Variants in SLC12A9 observed in about 807,000 individuals in gnomAD.
SLC12A9 encodes the protein solute carrier family 12 member 9, also known as CCC-interacting protein 1.
Under a neutral mutation model 66.0 loss-of-function variants are expected in SLC12A9, and 55 were observed. The observed-to-expected ratio is 0.83, with a 90% CI of 0.67 to 1.04. The LOEUF (loss-of-function observed/expected upper bound fraction) is 1.04, where lower values mean the gene tolerates loss of function less well. Among genes scored for constraint, SLC12A9 ranks in the 50% least tolerant of loss-of-function variants. The pLI is 0.00. For missense variants in SLC12A9, 1,061 were observed against 1,241.9 expected (o/e 0.85, Z 2.19); for synonymous variants, 577 against 569.0 (o/e 1.01, Z -0.20).
intron 1 of SLC12A9, among the ~76,000 whole-genome samples, chr7:100,839,995 C>T (rs916043890): frequency 1.3e-5 from 2 of 150,822 alleles, no homozygotes; most frequent in African/African-American, 4.9e-5. Context: ...TAAGTGGAAG[C>T]GTGGCCTGAT....
At chr7:100,836,926 A>G (rs912016122) in intron 1 of SLC12A9, among the ~76,000 whole-genome samples, 1 of 152,026 alleles carries the variant, frequency 6.6e-6, no homozygotes, top group East Asian at 1.9e-4. Flanking sequence ...CCTAATTCTG[A>G]GAGTGCCATT....
chr7:100,856,776 T>C (rs1814410915), intron 4 of SLC12A9, 92 bp from the exon 5 acceptor site: 3 of 1,292,322 alleles, frequency 2.3e-6, no homozygotes, highest in East Asian at 2.3e-5. Flanking sequence ...CCTCCCAAAG[T>C]GCTGGAATTA....
chr7:100,860,936 G>T, intron 9 of SLC12A9: 2 of 877,394 alleles, frequency 2.3e-6, no homozygotes, highest in Non-Finnish European at 3.6e-6. Context: ...CACTTTGGGG[G>T]TGCACTGGCA....
chr7:100,854,935 G>T (rs767206049), intron 3 of SLC12A9, among the ~76,000 whole-genome samples, 181 bp downstream of exon 3: 1 of 152,032 alleles, frequency 6.6e-6, no homozygotes, highest in Non-Finnish European at 1.5e-5. Flanking sequence ...AGGCTGAGGT[G>T]GGTGGATCAC....
At chr7:100,846,851 G>A (rs1263238986) in intron 1 of SLC12A9, among the ~76,000 whole-genome samples, 1 of 152,188 alleles carries the variant, frequency 6.6e-6, no homozygotes, top group Non-Finnish European at 1.5e-5. Context: ...CCTAGGCCTA[G>A]TAGTTAAAGA....
At chr7:100,844,277 T>C (rs1000084301) in intron 1 of SLC12A9, among the ~76,000 whole-genome samples, 1 of 152,216 alleles carries the variant, frequency 6.6e-6, no homozygotes, top group Non-Finnish European at 1.5e-5. Flanking sequence ...GTACAAGGTA[T>C]GTAGCCCAGG....
At chr7:100,848,083 CAAAAA>C (rs36071720), upstream of SLC12A9, among the ~76,000 whole-genome samples, 28 of 43,964 alleles carry the variant, frequency 6.4e-4, no homozygotes, top group East Asian at 0.011. Context: ...GACTCCATCT[CAAAAA>C]AAAAAAAAAA....
In SLC12A9 at chr7:100,854,205, G is replaced by A. The variant is rs866998663; in HGVS notation, c.8G>A (p.Ser3Asn). The change falls in exon 2 of 14, where the codon AGC becomes AAC. Residue 3 changes from serine (S) to asparagine (N), a missense_variant. Transcript: ENST00000354161. ...CTCTACCTGTGCTCAGCCATGGCCA[G>A]CGAGAGCTCACCTCTGCTGGCCTAC... MA[S>N]ESSPLLAYRL... The A allele has an allele frequency of 6.4e-7, 1 of 1,566,084 alleles. No homozygotes were observed. Among genetic ancestry groups the A allele is most frequent in the Non-Finnish European group, 8.6e-7 (1 of 1,166,708 alleles).
intron 1 of SLC12A9, among the ~76,000 whole-genome samples, chr7:100,832,858 C>T (rs533556768): frequency 6.8e-4 from 104 of 152,102 alleles, no homozygotes; most frequent in African/African-American, 2.2e-3. Flanking sequence ...TCACTGCAGC[C>T]TCGAACTCCC....
At chr7:100,839,738 G>A (rs1421362733) in intron 1 of SLC12A9, among the ~76,000 whole-genome samples, 2 of 152,136 alleles carry the variant, frequency 1.3e-5, no homozygotes, top group Non-Finnish European at 2.9e-5. Flanking sequence ...GGTAAGACTA[G>A]TCTTTGAAAC....
Position 100,854,348 on chromosome 7 carries a change from A to G in SLC12A9, c.151A>G (p.Met51Val). Residue 51 changes from methionine (M) to valine (V), a missense_variant, in exon 2 of 14, where the codon ATG becomes GTG. Physicochemically the swap from Met to Val is conservative, Grantham distance 21. Coordinates refer to ENST00000354161, the MANE Select transcript of SLC12A9 (RefSeq NM_020246.4). The stretch of plus-strand genomic sequence containing the variant: ...TGTGGTGGTGCCCACTGTCCTGTCC[A>G]TGTTCAGCATAGTTGTTTTTCTGAG... ...LGVVVPTVLS[M>V]FSIVVFLRIG... 6.2e-7 allele frequency: 1 copy of G among 1,613,312 alleles called. No homozygotes were observed. Among genetic ancestry groups the G allele is most frequent in the Non-Finnish European group, 8.5e-7 (1 of 1,179,770 alleles).
In SLC12A9 at chr7:100,861,677, G is replaced by A. The variant is rs962364278; in HGVS notation, c.1537-60G>A. ...GAGTTGGTGCTCCCGTCCAGGAGGC[G>A]CTGAACGGGGCTGTGCATTTGATCC... On this transcript the variant is annotated intron_variant, in intron 11 of 13. Coordinates refer to ENST00000354161, the MANE Select transcript of SLC12A9 (RefSeq NM_020246.4). This position sits in a 1 kb window ranked among gnomAD's most constrained non-coding sequence, Gnocchi z 5.3. The A allele has an allele frequency of 3.0e-5, 49 of 1,608,032 alleles. No homozygotes were observed. The highest frequency in any genetic ancestry group is 2.5e-4 in the Admixed American group (15 of 59,942).
chr7:100,828,801 C>G (rs1813483098), intron 1 of SLC12A9, among the ~76,000 whole-genome samples: 1 of 152,090 alleles, frequency 6.6e-6, no homozygotes, highest in African/African-American at 2.4e-5. Flanking sequence ...ACTCCCCTCA[C>G]CCTCCCATCA....
At chr7:100,848,693 T>C (rs954035777), upstream of SLC12A9, among the ~76,000 whole-genome samples, 5 of 151,934 alleles carry the variant, frequency 3.3e-5, no homozygotes, top group East Asian at 1.9e-4. Flanking sequence ...GAGACCATTC[T>C]GGCTAACACG....
At chr7:100,859,507 G>A in intron 7 of SLC12A9, 2 of 369,460 alleles carry the variant, frequency 5.4e-6, no homozygotes, top group South Asian at 6.0e-5. Context: ...CTGGAGCCCA[G>A]GAGTTCCAGA....
intron 2 of SLC12A9, 36 bp from the exon 3 acceptor site, chr7:100,854,584 A>G (rs2116585470): frequency 6.2e-7 from 1 of 1,612,824 alleles, no homozygotes; most frequent in East Asian, 2.2e-5. Context: ...ATGGGGTGTG[A>G]GTCCCCTGTG....
intron 1 of SLC12A9, among the ~76,000 whole-genome samples, chr7:100,832,921 G>A (rs963687272): frequency 1.3e-5 from 2 of 151,830 alleles, no homozygotes; most frequent in African/African-American, 2.4e-5. Flanking sequence ...GACTACAGGC[G>A]TGTGCCACCA....
At chr7:100,859,444 G>A (rs1467391975) in intron 7 of SLC12A9, 6 of 437,714 alleles carry the variant, frequency 1.4e-5, no homozygotes, top group Admixed American at 7.9e-5. Flanking sequence ...AGCCGGGTGC[G>A]GTGGCTCACA....
At chr7:100,855,577 T>C (rs1335965382) in intron 3 of SLC12A9, 129 bp from the exon 4 acceptor site, 3 of 1,173,210 alleles carry the variant, frequency 2.6e-6, no homozygotes, top group South Asian at 2.7e-5. Flanking sequence ...TCAGAGGATA[T>C]GAGTGACTTG....
Sources: allele counts gnomAD v4.1 joint callset (sites outside exome capture counted in the v4.1 genomes callset), GRCh38; gene constraint gnomAD v4.1.1; non-coding constraint Gnocchi (gnomAD v3.1); transcripts MANE v1.5; gene names NCBI Gene and HGNC (gene_info 2026-07-23, HGNC 2026-07-21).